Variants in RBFOX1 observed in about 807,000 individuals in gnomAD.
The protein encoded by RBFOX1 is RNA binding fox-1 homolog 1, also known as RNA binding protein fox-1 homolog 1.
In RBFOX1, 8 loss-of-function variants were observed where a neutral mutation model predicts 57.7. The observed-to-expected ratio is 0.14, with a 90% CI of 0.08 to 0.25. The LOEUF (loss-of-function observed/expected upper bound fraction) is 0.25. Ranked by LOEUF, RBFOX1 falls within the 10% of genes least tolerant of loss-of-function variation. The pLI is 1.00. For synonymous variants in RBFOX1, 326 were observed against 222.4 expected, an observed-to-expected ratio of 1.47 and a Z score of -4.15; for missense variants, 611 against 548.5, an observed-to-expected ratio of 1.11 and a Z score of -1.14.
chr16:6,461,689 T>C (rs1824437719), intron 2 of RBFOX1, among the ~76,000 whole-genome samples: 1 of 152,208 alleles, frequency 6.6e-6, no homozygotes, highest in Admixed American at 6.5e-5. Context: ...AAATCTTTAA[T>C]GGAAGATTAT....
At chr16:7,572,867 T>TAAATAAATAAATAAATAAAAG (rs2092936216) in intron 5 of RBFOX1, among the ~76,000 whole-genome samples, 1 of 75,904 alleles carries the variant, frequency 1.3e-5, no homozygotes. Context: ...ATAAATAAAA[T>TAAATAAATAAATAAATAAAAG]GAACCAGCCC....
At chr16:7,392,105 C>G (rs1377585428) in intron 4 of RBFOX1, among the ~76,000 whole-genome samples, 1 of 152,182 alleles carries the variant, frequency 6.6e-6, no homozygotes, top group African/African-American at 2.4e-5. Flanking sequence ...AGTTGCACAC[C>G]CACTTCTCCC....
chr16:5,517,585 C>A (rs1337289881), intron 2 of RBFOX1, among the ~76,000 whole-genome samples: 1 of 152,064 alleles, frequency 6.6e-6, no homozygotes, highest in Non-Finnish European at 1.5e-5. Flanking sequence ...TTATTTCTAC[C>A]AGGGTTTGGA....
intron 3 of RBFOX1, among the ~76,000 whole-genome samples, chr16:5,765,322 C>T (rs1300295989): frequency 1.3e-5 from 2 of 152,142 alleles, no homozygotes; most frequent in African/African-American, 4.8e-5. Context: ...AGGTCAAGTT[C>T]AATCAACCAA....
At chr16:7,251,720 A>G (rs4479248) in intron 4 of RBFOX1, among the ~76,000 whole-genome samples, 60,182 of 151,916 alleles carry the variant, frequency 0.4, 12,608 homozygotes, top group Middle Eastern at 0.52. Flanking sequence ...GTGCCTGGTC[A>G]TGTCCATTCA....
intron 1 of RBFOX1, among the ~76,000 whole-genome samples, chr16:5,437,588 A>T (rs964198559): frequency 6.6e-6 from 1 of 152,228 alleles, no homozygotes; most frequent in South Asian, 2.1e-4. Context: ...TGCACTAAAA[A>T]TTGTTTTTAA....
chr16:5,518,226 A>G (rs1042473155), intron 2 of RBFOX1, among the ~76,000 whole-genome samples: 1 of 152,176 alleles, frequency 6.6e-6, no homozygotes, highest in Non-Finnish European at 1.5e-5. Flanking sequence ...TTGAAACTAA[A>G]TCACTTCTCA....
At chr16:7,384,571 A>G (rs982152522) in intron 4 of RBFOX1, among the ~76,000 whole-genome samples, 4 of 152,064 alleles carry the variant, frequency 2.6e-5, no homozygotes, top group African/African-American at 4.8e-5. Flanking sequence ...TCTGGGCTTT[A>G]TTTTTCCCAT....
At chr16:6,919,293 G>A (rs1054365473) in intron 3 of RBFOX1, among the ~76,000 whole-genome samples, 3 of 152,076 alleles carry the variant, frequency 2.0e-5, no homozygotes, top group Non-Finnish European at 2.9e-5. Flanking sequence ...TGGCCCAAGA[G>A]GTAATGTTTC....
intron 1 of RBFOX1, among the ~76,000 whole-genome samples, chr16:6,134,185 C>G (rs1053204852): frequency 6.6e-6 from 1 of 152,176 alleles, no homozygotes; most frequent in Non-Finnish European, 1.5e-5. Context: ...GATCCACCCA[C>G]CTCAGCCTCC....
At chr16:7,123,453 C>T (rs1254762849) in intron 4 of RBFOX1, among the ~76,000 whole-genome samples, 2 of 152,162 alleles carry the variant, frequency 1.3e-5, no homozygotes, top group Non-Finnish European at 2.9e-5. Context: ...TAACCTTGAC[C>T]TCCTGGGCTC....
intron 4 of RBFOX1, among the ~76,000 whole-genome samples, chr16:7,350,430 C>G (rs1045045398): frequency 3.9e-5 from 6 of 152,250 alleles, no homozygotes; most frequent in Non-Finnish European, 8.8e-5. Flanking sequence ...CAGCCAGGTC[C>G]CATTCCACCT....
At chr16:7,620,419 C>G (rs1181714855) in intron 10 of RBFOX1, among the ~76,000 whole-genome samples, 1 of 152,162 alleles carries the variant, frequency 6.6e-6, no homozygotes, top group Non-Finnish European at 1.5e-5. Context: ...TTCAGTGACA[C>G]TATAGAAATC....
intron 2 of RBFOX1, among the ~76,000 whole-genome samples, chr16:5,550,849 C>G (rs2045433731): frequency 6.6e-6 from 1 of 152,132 alleles, no homozygotes; most frequent in Non-Finnish European, 1.5e-5. Context: ...CATCTTTATA[C>G]CAGGTGCACA....
chr16:5,504,105 A>T (rs1422654912), intron 2 of RBFOX1, among the ~76,000 whole-genome samples: 2 of 152,094 alleles, frequency 1.3e-5, no homozygotes, highest in Non-Finnish European at 2.9e-5. Flanking sequence ...GGGCGGAGGG[A>T]ACTTGCCAAC....
intron 4 of RBFOX1, among the ~76,000 whole-genome samples, chr16:5,924,572 A>C (rs907682751): frequency 6.6e-6 from 1 of 151,888 alleles, no homozygotes; most frequent in Non-Finnish European, 1.5e-5. Context: ...ACTCCCCTTC[A>C]TTTTCCACCA....
At chr16:6,328,160 A>G (rs2082593088) in intron 2 of RBFOX1, among the ~76,000 whole-genome samples, 1 of 152,172 alleles carries the variant, frequency 6.6e-6, no homozygotes, top group Admixed American at 6.5e-5. Flanking sequence ...ACGGGATTGG[A>G]GACTATTATC....
chr16:7,025,303 G>T (rs987377488), intron 3 of RBFOX1, among the ~76,000 whole-genome samples: 3 of 152,142 alleles, frequency 2.0e-5, no homozygotes, highest in African/African-American at 7.2e-5. Flanking sequence ...GAGTATAGCA[G>T]TGAGGACGAC....
intron 3 of RBFOX1, among the ~76,000 whole-genome samples, chr16:6,778,028 C>T (rs1040967145): frequency 1.3e-5 from 2 of 152,068 alleles, no homozygotes; most frequent in Non-Finnish European, 2.9e-5. Flanking sequence ...TGTGTGAACT[C>T]ATAAGGTGTG....
Sources: allele counts gnomAD v4.1 joint callset (sites outside exome capture counted in the v4.1 genomes callset), GRCh38; gene constraint gnomAD v4.1.1; transcripts MANE v1.5; gene names NCBI Gene and HGNC (gene_info 2026-07-23, HGNC 2026-07-21).